HAPLN2: variants seen among roughly 807,000 people sequenced by gnomAD.
HAPLN2 encodes the protein brain link protein-1.
HAPLN2 carries 27 observed loss-of-function variants against 29.3 expected under a neutral mutation model. The ratio of observed to expected loss-of-function variants is 0.92; its 90% CI spans 0.68 to 1.27. The LOEUF (loss-of-function observed/expected upper bound fraction) is 1.27, where lower values mean the gene tolerates loss of function less well. HAPLN2 is among the 50% of genes most tolerant of loss of function. The probability of loss-of-function intolerance (pLI) is 0.00; values close to 1 mark genes in which losing one functional copy is unlikely to be tolerated. For synonymous variants in HAPLN2, 208 were observed against 211.7 expected (o/e 0.98, Z 0.15); for missense variants, 454 against 484.3 (o/e 0.94, Z 0.59).
Position 156,625,394 on chromosome 1 carries a change from G to C in HAPLN2, c.*10G>C, listed in dbSNP as rs1201273354. ...CTACGCCGAGAATTAGGCGCCCACC[G>C]TGTCCCCTCCAGCGCGCGCGAAGAA... On this transcript the variant is annotated 3_prime_UTR_variant, in exon 7 of 7. Transcript: ENST00000255039. This position sits in a 1 kb window ranked among gnomAD's most constrained non-coding sequence, Gnocchi z 5.7. 1.3e-6 allele frequency: 2 copies of C among 1,576,544 alleles called. No homozygotes were observed. Among genetic ancestry groups the C allele is most frequent in the Admixed American group, 1.8e-5 (1 of 54,736 alleles).
In HAPLN2 at chr1:156,625,356, A is replaced by T; in HGVS notation, c.995A>T (p.Tyr332Phe). 1 of 1,602,632 alleles carries T rather than the reference A, an allele frequency of 6.2e-7. No homozygotes were observed. The highest frequency in any genetic ancestry group is 8.5e-7 in the Non-Finnish European group (1 of 1,175,310). ...FGFPRPQQAA[Y>F]GTYCYAEN ...TTCCCCAGGCCCCAACAGGCAGCCT[A>T]TGGGACCTACTGCTACGCCGAGAAT... is the stretch of plus-strand genomic sequence containing the variant. Residue 332 changes from tyrosine to phenylalanine, a missense_variant, in exon 7 of 7, where the codon TAT (tyrosine) becomes TTT (phenylalanine). Physicochemically the swap from Tyr to Phe is conservative, Grantham distance 22. This residue lies in a region of HAPLN2 where 235 missense variants were observed against 236.9 expected (regional missense o/e 0.99). Coordinates refer to ENST00000255039, the MANE Select transcript of HAPLN2 (RefSeq NM_021817.3). This position sits in a 1 kb window ranked among gnomAD's most constrained non-coding sequence, Gnocchi z 5.7.
intron 2 of HAPLN2, among the ~76,000 whole-genome samples, chr1:156,622,518 G>C (rs1678267865): frequency 6.6e-6 from 1 of 152,072 alleles, no homozygotes; most frequent in Non-Finnish European, 1.5e-5. Flanking sequence ...CTGGGGGTGG[G>C]TAAAGGTTTC....
At chr1:156,611,504 G>A in the HAPLN2 span, among the ~76,000 whole-genome samples, 1 of 152,148 alleles carries the variant, frequency 6.6e-6, no homozygotes, top group African/African-American at 2.4e-5. Flanking sequence ...AGTGGAAGTT[G>A]CAGTGAGCTG....
At chr1:156,616,110 C>T (rs1025855678), upstream of HAPLN2, among the ~76,000 whole-genome samples, 3 of 152,106 alleles carry the variant, frequency 2.0e-5, no homozygotes, top group Non-Finnish European at 4.4e-5. Flanking sequence ...AACTGGCCAG[C>T]TGAACCTGCT....
At chr1:156,603,408 A>G in the HAPLN2 span, among the ~76,000 whole-genome samples, 26 of 151,460 alleles carry the variant, frequency 1.7e-4, no homozygotes, top group Non-Finnish European at 2.1e-4. Context: ...CAGGGCTTCA[A>G]TTTCCACCCA....
intron 2 of HAPLN2, among the ~76,000 whole-genome samples, chr1:156,621,128 A>C (rs1203642181): frequency 1.4e-5 from 2 of 140,076 alleles, no homozygotes. Flanking sequence ...TTTTTGAGAC[A>C]AGGTCTTGCT....
At chr1:156,622,731 T>C (rs1678275975) in intron 2 of HAPLN2, among the ~76,000 whole-genome samples, 1 of 151,926 alleles carries the variant, frequency 6.6e-6, no homozygotes. Flanking sequence ...GCTGTGGTTA[T>C]GAGATTGGAT....
chr1:156,605,964 A>G, the HAPLN2 span, among the ~76,000 whole-genome samples: 1 of 152,216 alleles, frequency 6.6e-6, no homozygotes, highest in South Asian at 2.1e-4. Flanking sequence ...AGCCTGGGCA[A>G]CATAGTGAGA....
upstream of HAPLN2, among the ~76,000 whole-genome samples, chr1:156,616,355 T>C (rs905014121): frequency 6.6e-6 from 1 of 152,204 alleles, no homozygotes; most frequent in African/African-American, 2.4e-5. Flanking sequence ...AAACACAGTT[T>C]GGCTATTCAT....
upstream of HAPLN2, among the ~76,000 whole-genome samples, chr1:156,618,305 CAAAAAA>C (rs57219264): frequency 0.32 from 32,675 of 103,276 alleles, 4,324 homozygotes; most frequent in South Asian, 0.58. Context: ...GACTCTGTCT[CAAAAAA>C]AAAAAAAAAA....
chr1:156,612,587 G>A, the HAPLN2 span, among the ~76,000 whole-genome samples: 4 of 152,136 alleles, frequency 2.6e-5, no homozygotes, highest in Non-Finnish European at 5.9e-5. Flanking sequence ...AAAGCTTCCC[G>A]GAGGAAGCAC....
chr1:156,620,804 A>G (rs1678195171), intron 2 of HAPLN2, among the ~76,000 whole-genome samples: 1 of 152,236 alleles, frequency 6.6e-6, no homozygotes, highest in Non-Finnish European at 1.5e-5. Flanking sequence ...ACACTTATTT[A>G]GCACCTACTA....
At chr1:156,604,293 C>CTTTT in the HAPLN2 span, among the ~76,000 whole-genome samples, 4 of 147,010 alleles carry the variant, frequency 2.7e-5, no homozygotes, top group Non-Finnish European at 3.0e-5. Flanking sequence ...TTGAAGAATT[C>CTTTT]TTTTTTTTTT....
At chr1:156,607,931 C>A in the HAPLN2 span, among the ~76,000 whole-genome samples, 1 of 151,546 alleles carries the variant, frequency 6.6e-6, no homozygotes, top group South Asian at 2.1e-4. Context: ...ATTCACTTTT[C>A]TTTCTGTTGA....
chr1:156,611,266 TAA>T, the HAPLN2 span, among the ~76,000 whole-genome samples: 42,088 of 138,386 alleles, frequency 0.3, 6,286 homozygotes, highest in South Asian at 0.54. Flanking sequence ...AGTGAGACCC[TAA>T]AAAAAAAAAA....
At chr1:156,602,043 T>G in the HAPLN2 span, among the ~76,000 whole-genome samples, 1 of 151,932 alleles carries the variant, frequency 6.6e-6, no homozygotes, top group Non-Finnish European at 1.5e-5. Context: ...GCTCAAGTGA[T>G]CCTCCCATCT....
the HAPLN2 span, among the ~76,000 whole-genome samples, chr1:156,605,817 G>C: frequency 1.3e-5 from 2 of 152,054 alleles, no homozygotes; most frequent in Non-Finnish European, 2.9e-5. Flanking sequence ...TTGCACGAGA[G>C]TGCCAAAACA....
rs375710857 is a variant in HAPLN2 at position 156,625,310 on chromosome 1, C to A, written c.949C>A (p.Pro317Thr). 3 of 1,587,960 alleles carry A rather than the reference C, an allele frequency of 1.9e-6. No individual in the cohort carries two copies. The highest frequency in any genetic ancestry group is 1.8e-5 in the Admixed American group (1 of 56,996). Reference protein sequence around the residue: ...PRPRCGGLPDPGVRSFGFPRP... With the variant: ...PRPRCGGLPDTGVRSFGFPRP... ...GCCGCGCTGCGGGGGGCTCCCGGATCCCGGAGTGCGCAGTTTCGGCTTCCC... is the reference window on the plus strand; with the variant it reads ...GCCGCGCTGCGGGGGGCTCCCGGATACCGGAGTGCGCAGTTTCGGCTTCCC... The change falls in exon 7 of 7, where the codon CCC becomes ACC. Residue 317 changes from proline (P) to threonine (T), a missense_variant. Coordinates refer to ENST00000255039, the MANE Select transcript of HAPLN2 (RefSeq NM_021817.3). This position sits in a 1 kb window ranked among gnomAD's most constrained non-coding sequence, Gnocchi z 5.7.
the HAPLN2 span, among the ~76,000 whole-genome samples, chr1:156,606,268 AAAAAATT>A: frequency 6.6e-6 from 1 of 152,086 alleles, no homozygotes; most frequent in Non-Finnish European, 1.5e-5. Context: ...CATCTCAAAA[AAAAAATT>A]AAAAATTAAA....
Sources: gnomAD v4.1 joint callset for allele counts (sites outside exome capture counted in the v4.1 genomes callset) on GRCh38, gnomAD v4.1.1 for gene constraint, gnomAD v4.1.1 regional missense constraint, Gnocchi (gnomAD v3.1) non-coding constraint, MANE v1.5 for transcripts, NCBI Gene and HGNC (gene_info 2026-07-23, HGNC 2026-07-21) for gene names.